Variants in SAMD5 observed in about 807,000 individuals in gnomAD.
The protein encoded by SAMD5 is sterile alpha motif domain-containing protein 5.
Under a neutral mutation model 11.3 loss-of-function variants are expected in SAMD5, and 13 were observed. The observed-to-expected ratio is 1.15, with a 90% confidence interval of 0.75 to 1.83. The LOEUF is 1.83. SAMD5 is among the 40% of genes most tolerant of loss of function. The pLI, the probability that SAMD5 is intolerant of heterozygous loss-of-function variation, is 0.00. For synonymous variants in SAMD5, 129 were observed against 111.3 expected, an observed-to-expected ratio of 1.16 and a Z score of -1.00; for missense variants, 255 against 239.1, an observed-to-expected ratio of 1.07 and a Z score of -0.44.
At chr6:147,890,273 AAT>A in the SAMD5 span, among the ~76,000 whole-genome samples, 2 of 152,330 alleles carry the variant, frequency 1.3e-5, no homozygotes, top group Non-Finnish European at 2.9e-5. Flanking sequence ...CAGAAGAAGA[AAT>A]ATACATAGCT....
At chr6:147,723,477 G>A (rs1407012333) in intron 1 of SAMD5, among the ~76,000 whole-genome samples, 3 of 152,164 alleles carry the variant, frequency 2.0e-5, no homozygotes, top group African/African-American at 7.2e-5. Flanking sequence ...AAGCATCTGG[G>A]GAAGAGGAGG....
At chr6:147,696,180 C>A (rs1487723186) in intron 1 of SAMD5, among the ~76,000 whole-genome samples, 3 of 152,146 alleles carry the variant, frequency 2.0e-5, no homozygotes, top group Non-Finnish European at 4.4e-5. Flanking sequence ...CTCCATGATC[C>A]CTGGTACCCC....
chr6:147,821,888 T>C, the SAMD5 span, among the ~76,000 whole-genome samples: 1 of 152,140 alleles, frequency 6.6e-6, no homozygotes, highest in African/African-American at 2.4e-5. Context: ...TCTGTTCAGG[T>C]ATTTTATATC....
chr6:147,792,784 T>C, the SAMD5 span, among the ~76,000 whole-genome samples: 2 of 152,268 alleles, frequency 1.3e-5, no homozygotes, highest in East Asian at 1.9e-4. Flanking sequence ...ACAATGATGA[T>C]GTATGTCAAA....
At chr6:147,837,882 C>T in the SAMD5 span, among the ~76,000 whole-genome samples, 1 of 152,140 alleles carries the variant, frequency 6.6e-6, no homozygotes, top group Non-Finnish European at 1.5e-5. Flanking sequence ...AGTCTCTAAA[C>T]ATGAGAGGCC....
At chr6:147,743,502 C>CAAA in the SAMD5 span, among the ~76,000 whole-genome samples, 1 of 119,678 alleles carries the variant, frequency 8.4e-6, no homozygotes, top group African/African-American at 3.0e-5. Context: ...GACTCTGTCT[C>CAAA]AAAAAAAAAA....
the SAMD5 span, among the ~76,000 whole-genome samples, chr6:147,877,891 ATAG>A: frequency 5.5e-4 from 50 of 90,198 alleles, no homozygotes; most frequent in African/African-American, 1.6e-3. Context: ...CGATAGATAG[ATAG>A]CTAGATAGAT....
intron 1 of SAMD5, among the ~76,000 whole-genome samples, chr6:147,674,215 CA>C (rs1481266029): frequency 2.0e-5 from 3 of 152,242 alleles, no homozygotes; most frequent in Admixed American, 2.0e-4. Context: ...GTTGGAAAAA[CA>C]AGACAATCAA....
chr6:147,829,187 C>T, the SAMD5 span, among the ~76,000 whole-genome samples: 9 of 152,102 alleles, frequency 5.9e-5, no homozygotes, highest in Non-Finnish European at 7.4e-5. Context: ...TCTCAGCGTT[C>T]GAATAAACTG....
At chr6:147,541,276 C>T (rs1788600265) in intron 1 of SAMD5, among the ~76,000 whole-genome samples, 1 of 152,164 alleles carries the variant, frequency 6.6e-6, no homozygotes, top group South Asian at 2.1e-4. Context: ...CAGAGACAAT[C>T]ACCCTTTCCT....
At chr6:147,666,062 C>T (rs1013513067) in intron 1 of SAMD5, among the ~76,000 whole-genome samples, 1 of 152,114 alleles carries the variant, frequency 6.6e-6, no homozygotes, top group Non-Finnish European at 1.5e-5. Flanking sequence ...CCTCGGCCTC[C>T]CGAGTAGCTG....
chr6:147,603,023 T>G (rs1432921681), intron 1 of SAMD5, among the ~76,000 whole-genome samples: 2 of 152,188 alleles, frequency 1.3e-5, no homozygotes, highest in East Asian at 3.8e-4. Context: ...ATACATTTCC[T>G]AAGTATACAC....
chr6:147,944,256 A>G, the SAMD5 span, among the ~76,000 whole-genome samples: 1 of 152,178 alleles, frequency 6.6e-6, no homozygotes, highest in African/African-American at 2.4e-5. Flanking sequence ...CTGCTGATAC[A>G]TACCTGAGAC....
the SAMD5 span, among the ~76,000 whole-genome samples, chr6:147,804,339 T>C: frequency 1.3e-5 from 2 of 152,054 alleles, no homozygotes; most frequent in Non-Finnish European, 2.9e-5. Context: ...CTCGATCTCC[T>C]GACCTTGTGA....
chr6:147,813,670 C>A, the SAMD5 span, among the ~76,000 whole-genome samples: 1 of 152,184 alleles, frequency 6.6e-6, no homozygotes, highest in South Asian at 2.1e-4. Context: ...GAGTAACTTG[C>A]TCCATTGACT....
intron 1 of SAMD5, among the ~76,000 whole-genome samples, chr6:147,605,799 T>C (rs1445699794): frequency 6.6e-6 from 1 of 152,078 alleles, no homozygotes; most frequent in Non-Finnish European, 1.5e-5. Flanking sequence ...ATCAGGACTG[T>C]GTCTGATGAT....
chr6:147,789,803 G>T, the SAMD5 span, among the ~76,000 whole-genome samples: 1 of 152,142 alleles, frequency 6.6e-6, no homozygotes, highest in Non-Finnish European at 1.5e-5. Flanking sequence ...TACTGCTTAG[G>T]TGTTTTGTAA....
chr6:147,735,526 G>A (rs974501020), intron 1 of SAMD5, among the ~76,000 whole-genome samples: 1 of 152,210 alleles, frequency 6.6e-6, no homozygotes, highest in Non-Finnish European at 1.5e-5. Flanking sequence ...CAAGGGTGGA[G>A]ATGGTGAGAT....
At chr6:147,830,559 G>A in the SAMD5 span, among the ~76,000 whole-genome samples, 1 of 151,882 alleles carries the variant, frequency 6.6e-6, no homozygotes, top group African/African-American at 2.4e-5. Context: ...CCCGGCCCCA[G>A]TAAGCTCTTT....
Sources: allele counts gnomAD v4.1 joint callset (sites outside exome capture counted in the v4.1 genomes callset), GRCh38; gene constraint gnomAD v4.1.1; transcripts MANE v1.5; gene names NCBI Gene and HGNC (gene_info 2026-07-23, HGNC 2026-07-21).